The following VWA8 variants were observed in gnomAD, a reference collection of about 807,000 sequenced individuals.
The protein encoded by VWA8 is von Willebrand factor A domain-containing protein 8.
A neutral mutation model predicts 241.5 loss-of-function variants in VWA8; 221 were observed. That is an observed-to-expected ratio of 0.91 (90% CI 0.82 to 1.02). The LOEUF is 1.02. Among genes scored for constraint, VWA8 ranks in the 50% least tolerant of loss-of-function variants. The probability of loss-of-function intolerance (pLI) is 0.00; values close to 1 mark genes in which losing one functional copy is unlikely to be tolerated. For missense variants in VWA8, 2,322 were observed against 2,328.7 expected (o/e 1.00, Z 0.06); for synonymous variants, 852 against 827.1 (o/e 1.03, Z -0.52).
chr13:41,960,868 A>T lies in VWA8; in HGVS notation c.148T>A (p.Ser50Thr), dbSNP rs976581962. ...RPEVRLLHAG[S>T]GADTGDTVNI... is the part of the protein sequence containing the mutation. ...CCCGAGTTACCTGTGTCGGCCCCCG[A>T]GCCGGCGTGCAACAGTCTGACCTCC... The change falls in exon 1 of 45, where the codon TCG (serine) becomes ACG (threonine). Residue 50 changes from serine to threonine, a missense_variant. Physicochemically the swap from Ser to Thr is moderately conservative, Grantham distance 58. Transcript: ENST00000379310. 1.3e-6 allele frequency: 2 copies of T among 1,518,886 alleles called. No homozygotes were observed. 94.1% of individuals were successfully genotyped at this position (1,518,886 alleles called of 1,614,324 possible). A position where few individuals can be genotyped will look rare whatever the true frequency, so the allele number is the denominator to read the frequency against.
In VWA8 at chr13:41,578,714, C is replaced by T. The variant is rs183480548; in HGVS notation, c.5272-2876G>A. Among the ~76,000 whole-genome samples the T allele has an allele frequency of 2.9e-4, 44 of 152,228 alleles. No homozygotes were observed. The South Asian group carries it at 4.1e-3, about 14-fold the overall frequency. On this transcript the variant is annotated intron_variant, in intron 42 of 44. Transcript: ENST00000379310. ...AAGATCCTCACTGTCATTATCAAACCGCCTAACATTTAGATCAGAATTTTT... is the reference window on the plus strand; with the variant it reads ...AAGATCCTCACTGTCATTATCAAACTGCCTAACATTTAGATCAGAATTTTT...
At chr13:41,574,221 TAA>T (rs2044336197) in intron 43 of VWA8, among the ~76,000 whole-genome samples, 1 of 144,326 alleles carries the variant, frequency 6.9e-6, no homozygotes, top group Non-Finnish European at 1.5e-5. Context: ...ATGAATTCAG[TAA>T]AGTCTCAGGT....
Position 41,886,839 on chromosome 13 carries a change from A to G in VWA8, c.817-9T>C. The G allele has an allele frequency of 1.3e-6, 2 of 1,558,548 alleles. No homozygotes were observed. The highest frequency in any genetic ancestry group is 8.7e-7 in the Non-Finnish European group (1 of 1,149,608). ...AACAACTTAAGTTGGTCCTAAAGTA[A>G]TACAGAAACATATTAAATTAATTAA... is the stretch of plus-strand genomic sequence containing the variant. On this transcript the variant is annotated splice_polypyrimidine_tract_variant and intron_variant, in intron 6 of 44. Transcript: ENST00000379310.
chr13:41,605,389 T>A, intron 39 of VWA8, 113 bp from the exon 40 acceptor site: 1 of 999,794 alleles, frequency 1.0e-6, no homozygotes, highest in South Asian at 1.4e-5. Context: ...CTCAGATTCA[T>A]GTTGAGGAGA....
Position 41,891,358 on chromosome 13 carries a change from A to G in VWA8, c.651+62T>C, listed in dbSNP as rs1874832455. 4 of 1,596,228 alleles carry G rather than the reference A, an allele frequency of 2.5e-6. No individual in the cohort carries two copies. The East Asian group carries it at 6.7e-5, about 27-fold the overall frequency. On this transcript the variant is annotated intron_variant, in intron 5 of 44. Transcript: ENST00000379310. ...TTCCAACAGAGCCATGTCTTACACA[A>G]TAAAATGGCACTGCCCATAGCTTGA...
chr13:41,782,741 T>C (rs916851993), intron 19 of VWA8, among the ~76,000 whole-genome samples: 2 of 152,080 alleles, frequency 1.3e-5, no homozygotes, highest in South Asian at 2.1e-4. Flanking sequence ...AAATATATTA[T>C]AGAAAATTTT....
intron 34 of VWA8, among the ~76,000 whole-genome samples, chr13:41,688,689 A>C (rs1160682526): frequency 6.6e-6 from 1 of 152,156 alleles, no homozygotes; most frequent in African/African-American, 2.4e-5. Flanking sequence ...TTTAATCTAC[A>C]ATAATGACAA....
At position 41,901,889 on chromosome 13, in the gene VWA8, AATATAT is replaced by A. The variant is rs869081141; in HGVS notation, c.483+5691_483+5696del. On this transcript the variant is annotated intron_variant, in intron 4 of 44. Coordinates refer to ENST00000379310, the MANE Select transcript of VWA8 (RefSeq NM_015058.2). ...TCAAAAAAAAAAAAAAAAAAAAAAA[AATATAT>A]ATATATATATATATATATACACACA... Among the ~76,000 whole-genome samples the A allele has an allele frequency of 1.7e-4, 14 of 83,340 alleles. 1 individual carries two copies. The East Asian group carries it at 2.4e-3, about 14-fold the overall frequency. 54.7% of individuals were successfully genotyped at this position (83,340 alleles called of 152,430 possible).
intron 42 of VWA8, among the ~76,000 whole-genome samples, chr13:41,579,442 C>T (rs1373448193): frequency 6.6e-6 from 1 of 152,202 alleles, no homozygotes; most frequent in Non-Finnish European, 1.5e-5. Context: ...ACTGAAAGGT[C>T]AAGGATTCTA....
rs752624412 is a variant in VWA8, at chr13:41,699,210, T to C, written c.3425A>G (p.Asn1142Ser). ...AAAGAAGCCACTTTTCCCAGTCATA[T>C]TCATAAAGTACAGGGAAGCGGGATT... ...TCNPASLYFM[N>S]MTGKSGFFVD... The change falls in exon 29 of 45, where the codon AAT (asparagine) becomes AGT (serine). Residue 1142 changes from asparagine to serine, a missense_variant. Coordinates refer to ENST00000379310, the MANE Select transcript of VWA8 (RefSeq NM_015058.2). 3.1e-6 allele frequency: 5 copies of C among 1,614,170 alleles called. No individual in the cohort carries two copies. The East Asian group carries it at 8.9e-5, about 29-fold the overall frequency.
intron 37 of VWA8, among the ~76,000 whole-genome samples, chr13:41,618,324 T>G (rs1183013337): frequency 1.3e-5 from 2 of 152,260 alleles, no homozygotes; most frequent in Non-Finnish European, 2.9e-5. Flanking sequence ...TTGATGGGGT[T>G]GTTTGACTTT....
intron 24 of VWA8, among the ~76,000 whole-genome samples, chr13:41,725,301 T>G (rs11620206): frequency 2.0e-5 from 3 of 151,956 alleles, no homozygotes; most frequent in Non-Finnish European, 4.4e-5. Context: ...TGAAGAGTTA[T>G]TGGATTTGGT....
Position 41,886,692 on chromosome 13 carries a change from G to C in VWA8, c.866+89C>G. The C allele has an allele frequency of 2.8e-6, 3 of 1,087,518 alleles. No homozygotes were observed. In the South Asian group the frequency reaches 4.3e-5, roughly 15 times the overall value. The allele number at this position is 1,087,518 out of a possible 1,614,324, so 67.4% of individuals were successfully genotyped here. A position where few individuals can be genotyped will look rare whatever the true frequency, so the allele number is the denominator to read the frequency against. On this transcript the variant is annotated intron_variant, in intron 7 of 44. Transcript: ENST00000379310. Reference sequence around the variant, plus strand: ...AATTCTTATAAGAATTCTAGTTGTTGAATGACTGAATTAATTAATCAATCA... The same window carrying C: ...AATTCTTATAAGAATTCTAGTTGTTCAATGACTGAATTAATTAATCAATCA...
chr13:41,568,306 CT>C lies in VWA8; in HGVS notation c.5610-2del. 6.2e-7 allele frequency: 1 copy of C among 1,613,870 alleles called. No individual in the cohort carries two copies. Among genetic ancestry groups the C allele is most frequent in the Non-Finnish European group, 8.5e-7 (1 of 1,179,758 alleles). ...ACCAGCTGGTAAAGTTCTCTGAAGCCTGCCAGGATGGAAAGGGAAAGGAAGT... is the reference window on the plus strand; with the variant it reads ...ACCAGCTGGTAAAGTTCTCTGAAGCCGCCAGGATGGAAAGGGAAAGGAAGT... On this transcript the variant is annotated splice_acceptor_variant, in intron 44 of 44. Transcript: ENST00000379310. LOFTEE classifies it high-confidence loss of function.
chr13:41,747,869 T>G (rs1328758770), intron 21 of VWA8, among the ~76,000 whole-genome samples: 1 of 152,234 alleles, frequency 6.6e-6, no homozygotes, highest in Non-Finnish European at 1.5e-5. Context: ...GTGATTTTTG[T>G]TTTTGGTTCT....
intron 2 of VWA8, among the ~76,000 whole-genome samples, chr13:41,947,807 C>T (rs780846727): frequency 1.6e-4 from 25 of 151,674 alleles, no homozygotes; most frequent in Non-Finnish European, 2.6e-4. Flanking sequence ...TGGTAACCTG[C>T]ACCTATAGTC....
At chr13:41,954,725 A>G (rs1414465167) in intron 1 of VWA8, among the ~76,000 whole-genome samples, 3 of 152,350 alleles carry the variant, frequency 2.0e-5, no homozygotes, top group African/African-American at 7.2e-5. Flanking sequence ...TACACTCAGA[A>G]TTTGTACTAA....
intron 2 of VWA8, among the ~76,000 whole-genome samples, chr13:41,932,394 T>C (rs1411815897): frequency 6.6e-6 from 1 of 152,048 alleles, no homozygotes; most frequent in Non-Finnish European, 1.5e-5. Flanking sequence ...AGAAAAAATA[T>C]CAATTTTATA....
chr13:41,826,447 C>T (rs1871171477), intron 14 of VWA8, among the ~76,000 whole-genome samples: 1 of 151,984 alleles, frequency 6.6e-6, no homozygotes, highest in East Asian at 1.9e-4. Context: ...ATAAAAGGTA[C>T]AAGAAAAAAG....
Sources: allele counts gnomAD v4.1 joint callset (sites outside exome capture counted in the v4.1 genomes callset), GRCh38; gene constraint gnomAD v4.1.1; transcripts MANE v1.5; gene names NCBI Gene and HGNC (gene_info 2026-07-23, HGNC 2026-07-21).